Variants in SLC44A5 observed in about 807,000 individuals in gnomAD.
The protein encoded by SLC44A5 is choline transporter-like protein 5.
SLC44A5 carries 57 observed loss-of-function variants against 101.8 expected under a neutral mutation model. The observed-to-expected ratio is 0.56, with a 90% CI of 0.45 to 0.70. SLC44A5 has a LOEUF of 0.70. Among genes scored for constraint, SLC44A5 ranks in the 30% least tolerant of loss-of-function variants. The pLI is 0.00. For synonymous variants in SLC44A5, 281 were observed against 290.9 expected (o/e 0.97, Z 0.35); for missense variants, 737 against 853.1 (o/e 0.86, Z 1.70).
intron 2 of SLC44A5, among the ~76,000 whole-genome samples, chr1:75,398,901 T>G (rs1012971940): frequency 6.6e-6 from 1 of 151,976 alleles, no homozygotes; most frequent in Non-Finnish European, 1.5e-5. Flanking sequence ...GACTGGAATC[T>G]AGTGTGAGAG....
At chr1:75,658,335 C>A in the SLC44A5 span, among the ~76,000 whole-genome samples, 2 of 152,032 alleles carry the variant, frequency 1.3e-5, no homozygotes, top group Non-Finnish European at 1.5e-5. Flanking sequence ...CTCAGCCTAC[C>A]AAGTAGCTGG....
Position 75,558,199 on chromosome 1 carries a change from A to T in SLC44A5, c.-69-16683T>A, listed in dbSNP as rs1275923530. 2.6e-5 allele frequency among the ~76,000 whole-genome samples: 4 copies of T among 152,164 alleles called. No homozygotes were observed. The South Asian group carries it at 8.3e-4, about 31-fold the overall frequency. ...TGTAACTGCAAGGTAGTTGATCAAG[A>T]TGATAAAGTAATAGCAAGAACACTG... On this transcript the variant is annotated intron_variant, in intron 1 of 23. Coordinates refer to ENST00000370859, the MANE Select transcript of SLC44A5 (RefSeq NM_001130058.2).
At chr1:75,241,284 T>C (rs867315182) in intron 9 of SLC44A5, among the ~76,000 whole-genome samples, 1 of 151,978 alleles carries the variant, frequency 6.6e-6, no homozygotes, top group Non-Finnish European at 1.5e-5. Flanking sequence ...TGTACAGTGG[T>C]ACAATCATAG....
At chr1:75,221,032 T>A (rs774203698) in intron 14 of SLC44A5, among the ~76,000 whole-genome samples, 1 of 152,096 alleles carries the variant, frequency 6.6e-6, no homozygotes, top group Non-Finnish European at 1.5e-5. Flanking sequence ...GTGAAACAAG[T>A]AGAGCAAGTT....
intron 1 of SLC44A5, among the ~76,000 whole-genome samples, chr1:75,589,299 T>C (rs1674207793): frequency 2.0e-5 from 3 of 152,224 alleles, no homozygotes; most frequent in Admixed American, 6.5e-5. Flanking sequence ...GGAAAGTAAG[T>C]TTAACTTCCC....
intron 1 of SLC44A5, among the ~76,000 whole-genome samples, chr1:75,550,937 C>A (rs572170047): frequency 3.0e-4 from 45 of 152,106 alleles, no homozygotes; most frequent in Non-Finnish European, 6.0e-4. Context: ...TTCTAAACTT[C>A]ACTTTTCTCA....
At chr1:75,281,647 C>CAA (rs1553154400) in intron 5 of SLC44A5, among the ~76,000 whole-genome samples, 1 of 112,928 alleles carries the variant, frequency 8.9e-6, no homozygotes, top group African/African-American at 2.8e-5. Context: ...CCCCCCCCCC[C>CAA]CCCCGCTGCA....
the SLC44A5 span, among the ~76,000 whole-genome samples, chr1:75,679,453 A>C: frequency 6.6e-6 from 1 of 152,172 alleles, no homozygotes; most frequent in South Asian, 2.1e-4. Flanking sequence ...GTGGGGGCCA[A>C]TATTCAACAT....
chr1:75,234,489 C>T (rs919179148), intron 11 of SLC44A5, among the ~76,000 whole-genome samples: 3 of 152,022 alleles, frequency 2.0e-5, no homozygotes, highest in African/African-American at 7.2e-5. Context: ...TGAATTTGTT[C>T]TGTTCCATTT....
the SLC44A5 span, among the ~76,000 whole-genome samples, chr1:75,643,037 C>T: frequency 1.3e-5 from 2 of 152,162 alleles, no homozygotes; most frequent in Admixed American, 1.3e-4. Flanking sequence ...TCATGAGAAA[C>T]TTAATTAATT....
chr1:75,287,384 C>G (rs1223124270), intron 5 of SLC44A5, among the ~76,000 whole-genome samples: 2 of 125,420 alleles, frequency 1.6e-5, no homozygotes, highest in Non-Finnish European at 3.3e-5. Context: ...TCACCTTTCT[C>G]TGGTGCCTTC....
At chr1:75,699,012 C>A in the SLC44A5 span, among the ~76,000 whole-genome samples, 4 of 151,834 alleles carry the variant, frequency 2.6e-5, no homozygotes, top group Non-Finnish European at 4.4e-5. Flanking sequence ...GTGAAAAGAC[C>A]AAATCTACAT....
At chr1:75,291,739 C>T (rs565499961) in intron 5 of SLC44A5, among the ~76,000 whole-genome samples, 2 of 152,108 alleles carry the variant, frequency 1.3e-5, no homozygotes, top group East Asian at 3.9e-4. Context: ...AGGCCGGGCA[C>T]GTTGGCTCAC....
Position 75,449,038 on chromosome 1 carries a change from T to G in SLC44A5, c.14-52417A>C, listed in dbSNP as rs146148936. Among the ~76,000 whole-genome samples the G allele has an allele frequency of 4.9e-3, 746 of 152,298 alleles. 11 individuals are homozygous for G. The highest frequency in any genetic ancestry group is 0.017 in the African/African-American group (716 of 41,574). On this transcript the variant is annotated intron_variant, in intron 2 of 23. Coordinates refer to ENST00000370859, the MANE Select transcript of SLC44A5 (RefSeq NM_001130058.2). ...TGTGTTCATCCCTCTGACAAGAATA[T>G]TCTCTTCCATTTGCCTCACTGACTT...
chr1:75,332,247 C>A (rs1056295458), intron 4 of SLC44A5, among the ~76,000 whole-genome samples: 5 of 152,046 alleles, frequency 3.3e-5, no homozygotes, highest in Admixed American at 2.6e-4. Flanking sequence ...CTATGTTTTT[C>A]TTTTTATATT....
chr1:75,466,410 A>G (rs549635983), intron 2 of SLC44A5, among the ~76,000 whole-genome samples: 3 of 152,222 alleles, frequency 2.0e-5, no homozygotes, highest in Admixed American at 6.5e-5. Flanking sequence ...TAATCCCAGC[A>G]CTTTGGCAGG....
At chr1:75,408,541 A>C (rs903053462) in intron 2 of SLC44A5, among the ~76,000 whole-genome samples, 13 of 152,338 alleles carry the variant, frequency 8.5e-5, no homozygotes, top group African/African-American at 3.1e-4. Context: ...AAAAAGAATG[A>C]GTTCATGTCT....
the SLC44A5 span, among the ~76,000 whole-genome samples, chr1:75,640,225 T>C: frequency 2.0e-5 from 3 of 152,172 alleles, no homozygotes; most frequent in East Asian, 1.9e-4. Context: ...GATGATATCA[T>C]ACAACTTCTC....
the SLC44A5 span, among the ~76,000 whole-genome samples, chr1:75,659,800 G>T: frequency 6.6e-6 from 1 of 151,816 alleles, no homozygotes. Flanking sequence ...TAATTCCGAT[G>T]AACATAGATA....
Sources: allele counts gnomAD v4.1 joint callset (sites outside exome capture counted in the v4.1 genomes callset), GRCh38; gene constraint gnomAD v4.1.1; transcripts MANE v1.5; gene names NCBI Gene and HGNC (gene_info 2026-07-23, HGNC 2026-07-21).